TENM3: variants seen among roughly 807,000 people sequenced by gnomAD.
The protein encoded by TENM3 is teneurin-3.
Under a neutral mutation model 255.1 loss-of-function variants are expected in TENM3, and 63 were observed. That is an observed-to-expected ratio of 0.25 (90% CI 0.20 to 0.30). TENM3 has a LOEUF of 0.30. Ranked by LOEUF, TENM3 falls within the 10% of genes least tolerant of loss-of-function variation. The probability of loss-of-function intolerance (pLI) is 1.00; values close to 1 mark genes in which losing one functional copy is unlikely to be tolerated. For missense variants in TENM3, 2,929 were observed against 3,461.1 expected (o/e 0.85, Z 3.86); for synonymous variants, 1,306 against 1,322.3 (o/e 0.99, Z 0.27).
At chr4:181,863,095 T>TA in the TENM3 span, among the ~76,000 whole-genome samples, 2,764 of 152,270 alleles carry the variant, frequency 0.018, 44 homozygotes, top group Middle Eastern at 0.051. Context: ...ATTCTTAACT[T>TA]TTATAAGTGC....
chr4:181,760,055 C>A, the TENM3 span, among the ~76,000 whole-genome samples: 3 of 152,060 alleles, frequency 2.0e-5, no homozygotes, highest in East Asian at 5.8e-4. Context: ...TCTCTTATTC[C>A]ATGAAAAAAT....
At chr4:182,301,019 TA>T (rs1225287453) in intron 1 of TENM3, among the ~76,000 whole-genome samples, 3 of 152,186 alleles carry the variant, frequency 2.0e-5, no homozygotes, top group Non-Finnish European at 4.4e-5. Flanking sequence ...AGCTCTCCTT[TA>T]AAAAGAAAAA....
chr4:181,935,658 T>C, the TENM3 span, among the ~76,000 whole-genome samples: 1 of 152,186 alleles, frequency 6.6e-6, no homozygotes, highest in Non-Finnish European at 1.5e-5. Context: ...CATCTCTGCA[T>C]GCCGGGCACT....
chr4:181,856,132 G>T, the TENM3 span, among the ~76,000 whole-genome samples: 1 of 96,156 alleles, frequency 1.0e-5, no homozygotes, highest in Non-Finnish European at 2.3e-5. Flanking sequence ...AAGGAAAGAA[G>T]GAAGAAGGAA....
the TENM3 span, among the ~76,000 whole-genome samples, chr4:181,982,724 A>G: frequency 1.3e-5 from 2 of 152,288 alleles, no homozygotes; most frequent in East Asian, 1.9e-4. Context: ...TGTGGGTTTC[A>G]CAGAAAGGAG....
chr4:182,009,938 G>GT, the TENM3 span, among the ~76,000 whole-genome samples: 1 of 151,938 alleles, frequency 6.6e-6, no homozygotes, highest in Non-Finnish European at 1.5e-5. Context: ...CCCTTGGCTG[G>GT]GGGGAGGGGG....
At chr4:181,506,618 C>G in the TENM3 span, among the ~76,000 whole-genome samples, 2 of 151,592 alleles carry the variant, frequency 1.3e-5, no homozygotes, top group Non-Finnish European at 2.9e-5. Context: ...ACATTCCCTC[C>G]TGGATTTGGG....
intron 3 of TENM3, among the ~76,000 whole-genome samples, chr4:182,544,760 G>A (rs913334818): frequency 6.6e-6 from 1 of 152,170 alleles, no homozygotes; most frequent in Admixed American, 6.6e-5. Flanking sequence ...GAACCTATGC[G>A]TTGGCTTGAT....
At chr4:181,921,493 G>A in the TENM3 span, among the ~76,000 whole-genome samples, 1 of 152,148 alleles carries the variant, frequency 6.6e-6, no homozygotes, top group Non-Finnish European at 1.5e-5. Flanking sequence ...TCTCTTTGAA[G>A]CAATTGTGAA....
chr4:181,527,492 C>T, the TENM3 span, among the ~76,000 whole-genome samples: 2 of 152,036 alleles, frequency 1.3e-5, no homozygotes, highest in Non-Finnish European at 2.9e-5. Context: ...CCTCAGCCTC[C>T]CAAGCAGCAG....
chr4:181,495,487 G>T, the TENM3 span, among the ~76,000 whole-genome samples: 1 of 152,056 alleles, frequency 6.6e-6, no homozygotes, highest in African/African-American at 2.4e-5. Flanking sequence ...ACTATATAGA[G>T]TAATTGCTTT....
At chr4:181,843,911 G>T in the TENM3 span, among the ~76,000 whole-genome samples, 50 of 151,854 alleles carry the variant, frequency 3.3e-4, no homozygotes, top group African/African-American at 1.2e-3. Context: ...GTAGAGACAC[G>T]GTTTCACCAT....
chr4:182,261,181 T>G (rs1758766872), intron 1 of TENM3, among the ~76,000 whole-genome samples: 1 of 152,266 alleles, frequency 6.6e-6, no homozygotes, highest in Non-Finnish European at 1.5e-5. Flanking sequence ...GCCTAATTCA[T>G]TCTTTTCAAA....
At chr4:181,701,020 A>G in the TENM3 span, among the ~76,000 whole-genome samples, 5 of 152,186 alleles carry the variant, frequency 3.3e-5, no homozygotes, top group African/African-American at 4.8e-5. Context: ...TTTACTACAG[A>G]GGTGAAAGTG....
intron 19 of TENM3, among the ~76,000 whole-genome samples, chr4:182,750,121 AATG>A (rs1479700161): frequency 6.6e-6 from 1 of 152,242 alleles, no homozygotes; most frequent in African/African-American, 2.4e-5. Flanking sequence ...AGCTTAGGAA[AATG>A]ATATCATAAC....
At chr4:182,704,009 T>C (rs75291231) in intron 12 of TENM3, among the ~76,000 whole-genome samples, 2,139 of 152,330 alleles carry the variant, frequency 0.014, 47 homozygotes, top group South Asian at 0.11. Context: ...ATTCACCTAG[T>C]ATAAAACATT....
intron 3 of TENM3, among the ~76,000 whole-genome samples, chr4:182,415,865 T>C (rs970293340): frequency 4.6e-5 from 7 of 152,154 alleles, no homozygotes; most frequent in African/African-American, 1.7e-4. Context: ...CCATATAGAG[T>C]GCAGTTATAC....
chr4:181,805,576 A>T, the TENM3 span, among the ~76,000 whole-genome samples: 1 of 145,826 alleles, frequency 6.9e-6, no homozygotes, highest in Non-Finnish European at 1.5e-5. Context: ...ATCCTTAAAA[A>T]CAAACGCCGT....
chr4:182,250,021 G>A (rs1340654334), intron 1 of TENM3, among the ~76,000 whole-genome samples: 1 of 148,906 alleles, frequency 6.7e-6, no homozygotes, highest in Non-Finnish European at 1.5e-5. Flanking sequence ...GGTCTGCACT[G>A]TTCTGGTCAT....
Sources: allele counts gnomAD v4.1 joint callset (sites outside exome capture counted in the v4.1 genomes callset), GRCh38; gene constraint gnomAD v4.1.1; transcripts MANE v1.5; gene names NCBI Gene and HGNC (gene_info 2026-07-23, HGNC 2026-07-21).